Variants in FNDC1 observed in about 807,000 individuals in gnomAD.
The protein encoded by FNDC1 is fibronectin type III domain containing 1, also known as fibronectin type III domain-containing protein 1.
Under a neutral mutation model 168.0 loss-of-function variants are expected in FNDC1, and 96 were observed. That is an observed-to-expected ratio of 0.57 (90% CI 0.48 to 0.68). The LOEUF (loss-of-function observed/expected upper bound fraction) is 0.68, where lower values mean the gene tolerates loss of function less well. FNDC1 is among the 30% of genes least tolerant of loss of function. FNDC1 has a pLI of 0.00. For missense variants in FNDC1, 2,587 were observed against 2,482.1 expected (o/e 1.04, Z -0.90); for synonymous variants, 1,099 against 1,025.9 (o/e 1.07, Z -1.36).
chr6:159,239,578 T>C lies in FNDC1; in HGVS notation c.4242T>C (p.His1414=). The C allele has an allele frequency of 6.2e-7, 1 of 1,600,526 alleles. No individual in the cohort carries two copies. Among genetic ancestry groups the C allele is most frequent in the Non-Finnish European group, 8.5e-7 (1 of 1,173,330 alleles). The change falls in exon 14 of 23, where the codon CAT becomes CAC. Residue 1414 remains histidine, a synonymous_variant. Coordinates refer to ENST00000297267, the MANE Select transcript of FNDC1 (RefSeq NM_032532.3). ...TCCCACTCTTTGGGCAGGGGCGACA[T>C]GGCACACCTCTGGCCAATGCCCAAG... ...DGLPLFGQGR[H]GTPLANAQDK...
At chr6:159,256,185 G>A (rs1777368150) in intron 17 of FNDC1, among the ~76,000 whole-genome samples, 1 of 152,192 alleles carries the variant, frequency 6.6e-6, no homozygotes, top group African/African-American at 2.4e-5. Flanking sequence ...CATGTGTGGA[G>A]GGCACTGCTT....
intron 22 of FNDC1, among the ~76,000 whole-genome samples, chr6:159,269,597 GTCTATCTATCTATCTATCTATCTATCTA>G (rs201581423): frequency 2.6e-4 from 32 of 123,872 alleles, no homozygotes; most frequent in African/African-American, 8.6e-4. Flanking sequence ...CTGTCTGTCT[GTCTATCTATCTATCTATCTATCTATCTA>G]TCTATCTATC....
chr6:159,229,777 C>T, intron 9 of FNDC1, 38 bp from the exon 10 acceptor site: 1 of 1,577,662 alleles, frequency 6.3e-7, no homozygotes, highest in Non-Finnish European at 8.7e-7. Flanking sequence ...GGACTGTTTT[C>T]AGTTTCCTCC....
Position 159,233,674 on chromosome 6 carries a change from C to G in FNDC1, c.3162C>G (p.Asp1054Glu). ...AGGGCCGCTCCCACTCCTCCTCGGA[C>G]CCTTACACGGCGAGCTCCAGAGGGA... ...TSQGRSHSSS[D>E]PYTASSRGML... is the part of the protein sequence containing the mutation. The change falls in exon 11 of 23, where the codon GAC becomes GAG. Residue 1054 changes from aspartate to glutamate, a missense_variant. Transcript: ENST00000297267. The surrounding 1 kb of genome is among the most constrained non-coding windows in gnomAD (Gnocchi z 4.6). 6.5e-6 allele frequency: 10 copies of G among 1,550,166 alleles called. No homozygotes were observed. Among genetic ancestry groups the G allele is most frequent in the Non-Finnish European group, 7.8e-6 (9 of 1,147,770 alleles).
chr6:159,219,101 C>A (rs1056187647), intron 5 of FNDC1, among the ~76,000 whole-genome samples: 1 of 150,458 alleles, frequency 6.6e-6, no homozygotes. Flanking sequence ...AGTGCAGTGG[C>A]GTAATCTCAG....
chr6:159,249,132 G>A lies in FNDC1; in HGVS notation c.4784G>A (p.Ser1595Asn). 6.2e-7 allele frequency: 1 copy of A among 1,611,066 alleles called. No homozygotes were observed. Among genetic ancestry groups the A allele is most frequent in the Non-Finnish European group, 8.5e-7 (1 of 1,178,654 alleles). ...GTGATCCCAGAGGAAGGCGCCATCA[G>A]TTCCTTTCCTGAAGAAGAATTTGAT... Reference protein sequence around the residue: ...PRVIPEEGAISSFPEEEFDLA... With the variant: ...PRVIPEEGAINSFPEEEFDLA... Residue 1595 changes from serine to asparagine, a missense_variant, in exon 16 of 23, where the codon AGT (serine) becomes AAT (asparagine). Coordinates refer to ENST00000297267, the MANE Select transcript of FNDC1 (RefSeq NM_032532.3).
Position 159,215,064 on chromosome 6 carries a change from T to C in FNDC1, c.580T>C (p.Phe194Leu), listed in dbSNP as rs750944724. 8 of 1,614,032 alleles carry C rather than the reference T, an allele frequency of 5.0e-6. No homozygotes were observed. In the South Asian group the frequency reaches 8.8e-5, roughly 18 times the overall value. The change falls in exon 5 of 23, where the codon TTT (phenylalanine) becomes CTT (leucine). Residue 194 changes from phenylalanine to leucine, a missense_variant. By Grantham distance (22) the Phe-to-Leu change is conservative. Transcript: ENST00000297267. ...CAAGAGTCCACGCAGATCACGGGGT[T>C]TTCTCCTGGGCTACGGGGAGAGTGG... Reference protein sequence around the residue: ...GAKSPRRSRGFLLGYGESGRK... With the variant: ...GAKSPRRSRGLLLGYGESGRK...
At chr6:159,221,953 G>A (rs1782835456) in intron 6 of FNDC1, among the ~76,000 whole-genome samples, 1 of 152,204 alleles carries the variant, frequency 6.6e-6, no homozygotes, top group African/African-American at 2.4e-5. Context: ...GATAGGAGCA[G>A]CCAAGCGTTC....
chr6:159,270,310 T>C (rs1424775035), intron 22 of FNDC1, among the ~76,000 whole-genome samples: 2 of 152,230 alleles, frequency 1.3e-5, no homozygotes, highest in African/African-American at 4.8e-5. Context: ...TAATAAATGG[T>C]AATCTCATCT....
chr6:159,236,069 TA>T (rs1265689295), intron 11 of FNDC1, 145 bp from the exon 12 acceptor site: 1 of 586,214 alleles, frequency 1.7e-6, no homozygotes, highest in Non-Finnish European at 3.0e-6. Context: ...TATCATTATC[TA>T]ATATATTTGA....
chr6:159,256,117 A>G (rs1777366147), intron 17 of FNDC1, among the ~76,000 whole-genome samples: 1 of 152,164 alleles, frequency 6.6e-6, no homozygotes, highest in South Asian at 2.1e-4. Context: ...CACCAACAAC[A>G]TTCTTCGTTT....
chr6:159,211,889 G>A (rs1156418940), intron 4 of FNDC1, among the ~76,000 whole-genome samples: 1 of 152,210 alleles, frequency 6.6e-6, no homozygotes, highest in African/African-American at 2.4e-5. Context: ...GTGACTTCAA[G>A]CCCAATTCAG....
At chr6:159,192,856 G>A (rs542591299) in intron 1 of FNDC1, among the ~76,000 whole-genome samples, 1 of 152,266 alleles carries the variant, frequency 6.6e-6, no homozygotes, top group East Asian at 1.9e-4. Flanking sequence ...TAGAGGGAGG[G>A]AGGGGAGGTC....
intron 1 of FNDC1, among the ~76,000 whole-genome samples, chr6:159,178,385 C>T (rs1281751099): frequency 6.6e-6 from 1 of 152,194 alleles, no homozygotes; most frequent in East Asian, 1.9e-4. Context: ...CTCTTGGAGT[C>T]TCCCTCTCTG....
intron 3 of FNDC1, 28 bp from the exon 4 acceptor site, chr6:159,200,481 TCTAA>T (rs758431664): frequency 2.6e-6 from 4 of 1,547,602 alleles, no homozygotes; most frequent in Non-Finnish European, 2.6e-6. Flanking sequence ...AGTCCTCGTT[TCTAA>T]CTATCAAGTT....
intron 12 of FNDC1, among the ~76,000 whole-genome samples, chr6:159,236,938 C>A (rs1783273536): frequency 1.3e-5 from 2 of 152,160 alleles, no homozygotes; most frequent in South Asian, 4.1e-4. Context: ...GGTAACAGAA[C>A]ACTTTACAAT....
At chr6:159,268,020 G>A (rs191978534) in intron 22 of FNDC1, 94 bp downstream of exon 22, 663 of 1,323,010 alleles carry the variant, frequency 5.0e-4, no homozygotes, top group Non-Finnish European at 6.3e-4. Context: ...CCTTTGCCTT[G>A]TCATTCGAAG....
intron 1 of FNDC1, among the ~76,000 whole-genome samples, chr6:159,184,110 T>G (rs1278933612): frequency 6.6e-6 from 1 of 152,256 alleles, no homozygotes; most frequent in Non-Finnish European, 1.5e-5. Context: ...TCAGTTTCCT[T>G]ATTTATAAAA....
At chr6:159,174,861 G>A (rs1197305965) in intron 1 of FNDC1, among the ~76,000 whole-genome samples, 1 of 152,126 alleles carries the variant, frequency 6.6e-6, no homozygotes. Flanking sequence ...CCAGCCTCAG[G>A]AACTGCCTCC....
Sources: gnomAD v4.1 joint callset for allele counts (sites outside exome capture counted in the v4.1 genomes callset) on GRCh38, gnomAD v4.1.1 for gene constraint, Gnocchi (gnomAD v3.1) non-coding constraint, MANE v1.5 for transcripts, NCBI Gene and HGNC (gene_info 2026-07-23, HGNC 2026-07-21) for gene names.